CATSPERE: variants seen among roughly 807,000 people sequenced by gnomAD.
The protein encoded by CATSPERE is catsper channel auxiliary subunit epsilon, also known as cation channel sperm-associated auxiliary subunit epsilon.
Under a neutral mutation model 114.1 loss-of-function variants are expected in CATSPERE, and 93 were observed. The observed-to-expected ratio is 0.81, with a 90% CI of 0.69 to 0.97. The LOEUF (loss-of-function observed/expected upper bound fraction) is 0.97, where lower values mean the gene tolerates loss of function less well. CATSPERE is among the 50% of genes least tolerant of loss of function. The probability of loss-of-function intolerance (pLI) is 0.00; values close to 1 mark genes in which losing one functional copy is unlikely to be tolerated. For missense variants in CATSPERE, 1,058 were observed against 1,131.6 expected (o/e 0.93, Z 0.93); for synonymous variants, 341 against 384.1 (o/e 0.89, Z 1.31).
chr1:244,533,667 C>A (rs902694731), intron 8 of CATSPERE, among the ~76,000 whole-genome samples: 1 of 152,034 alleles, frequency 6.6e-6, no homozygotes, highest in Admixed American at 6.6e-5. Flanking sequence ...TAACCTTGTA[C>A]CCCTGCTTTT....
chr1:244,590,799 A>G (rs1052140706), intron 14 of CATSPERE, among the ~76,000 whole-genome samples: 2 of 152,192 alleles, frequency 1.3e-5, no homozygotes, highest in African/African-American at 4.8e-5. Flanking sequence ...GTAATATTCC[A>G]TTGAATGGAT....
intron 15 of CATSPERE, among the ~76,000 whole-genome samples, chr1:244,592,729 G>A (rs1335188368): frequency 6.6e-6 from 1 of 152,182 alleles, no homozygotes; most frequent in Non-Finnish European, 1.5e-5. Flanking sequence ...AATAGTTGAT[G>A]AGGACACCAC....
chr1:244,494,542 T>C (rs1466692336), intron 6 of CATSPERE, among the ~76,000 whole-genome samples: 1 of 151,098 alleles, frequency 6.6e-6, no homozygotes, highest in Admixed American at 6.6e-5. Context: ...ACATGGCACA[T>C]GTATACATAT....
intron 8 of CATSPERE, among the ~76,000 whole-genome samples, chr1:244,532,844 A>C (rs1259963368): frequency 6.6e-6 from 1 of 152,102 alleles, no homozygotes; most frequent in Admixed American, 6.6e-5. Flanking sequence ...CTATTGAATA[A>C]AATGCTCTGT....
At chr1:244,507,545 T>C (rs1373533019) in intron 7 of CATSPERE, among the ~76,000 whole-genome samples, 4 of 152,220 alleles carry the variant, frequency 2.6e-5, no homozygotes, top group African/African-American at 9.6e-5. Context: ...AAGTCTTAGC[T>C]GTAAAATGTT....
At position 244,624,216 on chromosome 1, in the gene CATSPERE, C is replaced by T. The variant is rs996280617; in HGVS notation, c.2648+6530C>T. On this transcript the variant is annotated intron_variant, in intron 20 of 21. Transcript: ENST00000366534. ...TCAATCTCCTGACCTCGTGATCCGC[C>T]CACCTCGGCCTCCCAACGTGCTGGG... Among the ~76,000 whole-genome samples the T allele has an allele frequency of 2.7e-5, 4 of 150,574 alleles. No homozygotes were observed. The South Asian group carries it at 8.4e-4, about 32-fold the overall frequency.
chr1:244,594,688 G>A lies in CATSPERE; in HGVS notation c.2303+1110G>A, dbSNP rs569341759. ...CTTTCAGCTTTTGGGGACCTCCTAG[G>A]CTGCAGACAGCTTCTGAGATCTCTC... On this transcript the variant is annotated intron_variant, in intron 17 of 21. Coordinates refer to ENST00000366534, the MANE Select transcript of CATSPERE (RefSeq NM_001130957.2). 2.6e-5 allele frequency among the ~76,000 whole-genome samples: 4 copies of A among 152,216 alleles called. No homozygotes were observed. The South Asian group carries it at 6.2e-4, about 24-fold the overall frequency.
At chr1:244,505,938 G>A (rs532190806) in intron 7 of CATSPERE, among the ~76,000 whole-genome samples, 11 of 152,146 alleles carry the variant, frequency 7.2e-5, no homozygotes, top group African/African-American at 1.4e-4. Context: ...CCCGGGAGGC[G>A]GAGGTTGCAG....
At chr1:244,576,949 T>C (rs908605152) in intron 11 of CATSPERE, among the ~76,000 whole-genome samples, 1 of 152,198 alleles carries the variant, frequency 6.6e-6, no homozygotes, top group Non-Finnish European at 1.5e-5. Flanking sequence ...ATACTTTTCA[T>C]ATAGGACCAA....
At chr1:244,629,620 C>T (rs1673669420) in intron 20 of CATSPERE, among the ~76,000 whole-genome samples, 1 of 150,946 alleles carries the variant, frequency 6.6e-6, no homozygotes, top group Non-Finnish European at 1.5e-5. Context: ...AGGTGTGAGC[C>T]AGCAGGCTTG....
At chr1:244,507,357 A>G (rs1194156694) in intron 7 of CATSPERE, among the ~76,000 whole-genome samples, 2 of 152,072 alleles carry the variant, frequency 1.3e-5, no homozygotes, top group Non-Finnish European at 2.9e-5. Context: ...AGTTGTACCG[A>G]TTTACATTCC....
In CATSPERE at chr1:244,607,967, C is replaced by G. The variant is rs935520514; in HGVS notation, c.2403+2173C>G. Among the ~76,000 whole-genome samples the G allele has an allele frequency of 7.2e-5, 11 of 152,130 alleles. No individual in the cohort carries two copies. The highest frequency in any genetic ancestry group is 3.4e-3 in the Middle Eastern group (1 of 294). On this transcript the variant is annotated intron_variant, in intron 18 of 21. Coordinates refer to ENST00000366534, the MANE Select transcript of CATSPERE (RefSeq NM_001130957.2). The surrounding 1 kb of genome is among the most constrained non-coding windows in gnomAD (Gnocchi z 4.4). Reference sequence around the variant, plus strand: ...CCTAAAAATAAAAAAATTAGCTGGGCATGCTGGCACACACCTGTAATCCCA... The same window carrying G: ...CCTAAAAATAAAAAAATTAGCTGGGGATGCTGGCACACACCTGTAATCCCA...
chr1:244,577,608 T>C (rs780848061), intron 11 of CATSPERE, among the ~76,000 whole-genome samples: 37 of 152,344 alleles, frequency 2.4e-4, no homozygotes, highest in Middle Eastern at 6.8e-3. Flanking sequence ...TGTCCTCACA[T>C]GGCAGAAGGG....
intron 10 of CATSPERE, among the ~76,000 whole-genome samples, chr1:244,562,601 T>C (rs1662745030): frequency 1.3e-5 from 2 of 152,234 alleles, no homozygotes; most frequent in Admixed American, 6.5e-5. Flanking sequence ...AGTTACTGGT[T>C]ATATAGAAGA....
chr1:244,472,524 C>T (rs1668658915), intron 2 of CATSPERE, among the ~76,000 whole-genome samples: 7 of 152,052 alleles, frequency 4.6e-5, no homozygotes, highest in Admixed American at 4.6e-4. Flanking sequence ...AATGGGCAAA[C>T]AGTATAGAGA....
At chr1:244,539,499 G>A (rs1658239624) in intron 8 of CATSPERE, among the ~76,000 whole-genome samples, 1 of 113,646 alleles carries the variant, frequency 8.8e-6, no homozygotes, top group South Asian at 3.8e-4. Context: ...AAGTGAGTTA[G>A]GGAGGATTCT....
chr1:244,630,142 G>A (rs1004660372), intron 20 of CATSPERE, among the ~76,000 whole-genome samples: 1 of 152,130 alleles, frequency 6.6e-6, no homozygotes, highest in African/African-American at 2.4e-5. Context: ...GAAAGCAAAC[G>A]GCCTCTGATC....
intron 5 of CATSPERE, among the ~76,000 whole-genome samples, chr1:244,482,661 A>G (rs1391607487): frequency 2.6e-5 from 4 of 152,178 alleles, no homozygotes; most frequent in African/African-American, 7.2e-5. Flanking sequence ...GAGTACATAA[A>G]GAATAAAAAG....
chr1:244,609,790 C>T (rs1296071942), intron 18 of CATSPERE, among the ~76,000 whole-genome samples: 1 of 152,156 alleles, frequency 6.6e-6, no homozygotes, highest in Non-Finnish European at 1.5e-5. Context: ...CCTGTAATCC[C>T]AACACTTTGG....
Sources: allele counts gnomAD v4.1 joint callset (sites outside exome capture counted in the v4.1 genomes callset), GRCh38; gene constraint gnomAD v4.1.1; non-coding constraint Gnocchi (gnomAD v3.1); transcripts MANE v1.5; gene names NCBI Gene and HGNC (gene_info 2026-07-23, HGNC 2026-07-21).